Variants in GSDMC observed in about 807,000 individuals in gnomAD.
GSDMC encodes gasdermin C, also known as gasdermin-C.
In GSDMC, 59 loss-of-function variants were observed where a neutral mutation model predicts 58.0. That is an observed-to-expected ratio of 1.02 (90% confidence interval 0.82 to 1.26). GSDMC has a LOEUF of 1.26. Among genes scored for constraint, GSDMC ranks in the 50% most tolerant of loss-of-function variants. The probability of loss-of-function intolerance (pLI) is 0.00; values close to 1 mark genes in which losing one functional copy is unlikely to be tolerated. For synonymous variants in GSDMC, 241 were observed against 220.2 expected, an observed-to-expected ratio of 1.09 and a Z score of -0.83; for missense variants, 659 against 598.5, an observed-to-expected ratio of 1.10 and a Z score of -1.06.
chr8:129,723,558 G>A, the GSDMC span, among the ~76,000 whole-genome samples: 12 of 151,804 alleles, frequency 7.9e-5, no homozygotes, highest in South Asian at 2.1e-4. Flanking sequence ...GAGCCACCGC[G>A]CCTGGCCGCA....
At chr8:129,757,018 C>CA (rs904913677) in intron 6 of GSDMC, among the ~76,000 whole-genome samples, 5 of 151,504 alleles carry the variant, frequency 3.3e-5, no homozygotes, top group African/African-American at 1.2e-4. Context: ...AAGATCAAAC[C>CA]AAACCCACAA....
the GSDMC span, among the ~76,000 whole-genome samples, chr8:129,722,585 G>A: frequency 6.6e-6 from 1 of 152,086 alleles, no homozygotes; most frequent in African/African-American, 2.4e-5. Flanking sequence ...CATATGTCAT[G>A]AGCCCCACTA....
the GSDMC span, among the ~76,000 whole-genome samples, chr8:129,742,182 A>G: frequency 6.6e-6 from 1 of 152,060 alleles, no homozygotes; most frequent in African/African-American, 2.4e-5. Flanking sequence ...CAAAGAGTAC[A>G]AAGTTTCAAT....
the GSDMC span, among the ~76,000 whole-genome samples, chr8:129,708,976 A>G: frequency 1.3e-5 from 2 of 152,336 alleles, no homozygotes; most frequent in East Asian, 3.9e-4. Flanking sequence ...CCTTCCTCAA[A>G]GAGATGTGGA....
the GSDMC span, among the ~76,000 whole-genome samples, chr8:129,711,582 A>G: frequency 6.6e-6 from 1 of 152,210 alleles, no homozygotes; most frequent in African/African-American, 2.4e-5. Context: ...AAGAATTGCC[A>G]TCTAAGAGGT....
chr8:129,747,911 A>T (rs1013420074), downstream of GSDMC, among the ~76,000 whole-genome samples: 22 of 152,090 alleles, frequency 1.4e-4, no homozygotes, highest in African/African-American at 5.3e-4. Context: ...GACCAAGAAA[A>T]TGTGACAAAA....
At chr8:129,745,562 T>C (rs906835227), downstream of GSDMC, among the ~76,000 whole-genome samples, 1 of 152,188 alleles carries the variant, frequency 6.6e-6, no homozygotes, top group Non-Finnish European at 1.5e-5. Context: ...ATGACACTTG[T>C]TACTTTCTAA....
intron 1 of GSDMC, among the ~76,000 whole-genome samples, chr8:129,783,707 T>A (rs545436747): frequency 1.3e-4 from 20 of 152,100 alleles, no homozygotes; most frequent in Non-Finnish European, 1.9e-4. Context: ...TATCAAAATA[T>A]CAATGACATT....
intron 3 of GSDMC, among the ~76,000 whole-genome samples, chr8:129,772,497 T>G (rs1253070253): frequency 1.3e-5 from 2 of 152,086 alleles, no homozygotes; most frequent in Non-Finnish European, 2.9e-5. Context: ...TATCTGTAAT[T>G]AAATACCGAC....
the GSDMC span, among the ~76,000 whole-genome samples, chr8:129,712,880 G>A: frequency 6.6e-6 from 1 of 152,210 alleles, no homozygotes; most frequent in African/African-American, 2.4e-5. Context: ...ACATAGACGA[G>A]GCTGAGAGGT....
At chr8:129,741,252 T>A in the GSDMC span, among the ~76,000 whole-genome samples, 2 of 152,160 alleles carry the variant, frequency 1.3e-5, no homozygotes, top group African/African-American at 4.8e-5. Flanking sequence ...AATATCTTTA[T>A]AATATATTTT....
At chr8:129,774,238 A>T (rs1586612428) in intron 3 of GSDMC, among the ~76,000 whole-genome samples, 1 of 152,184 alleles carries the variant, frequency 6.6e-6, no homozygotes, top group East Asian at 1.9e-4. Flanking sequence ...GGGCCAAGAA[A>T]TAAACTCATA....
the GSDMC span, among the ~76,000 whole-genome samples, chr8:129,743,049 T>C: frequency 3.3e-4 from 51 of 152,328 alleles, no homozygotes; most frequent in Middle Eastern, 3.4e-3. Context: ...CCCTTTATCA[T>C]TGGTTTTCAG....
the GSDMC span, among the ~76,000 whole-genome samples, chr8:129,740,404 G>A: frequency 1.3e-3 from 198 of 152,166 alleles, 2 homozygotes; most frequent in Middle Eastern, 6.8e-3. Context: ...TGCAAGTTCC[G>A]TTCATGGTAA....
At chr8:129,719,440 T>G in the GSDMC span, among the ~76,000 whole-genome samples, 1 of 152,188 alleles carries the variant, frequency 6.6e-6, no homozygotes, top group Non-Finnish European at 1.5e-5. Flanking sequence ...GATTTCAATA[T>G]CACTAACTCA....
At chr8:129,750,176 A>G in intron 11 of GSDMC, 57 bp from the exon 12 acceptor site, 1 of 1,352,798 alleles carries the variant, frequency 7.4e-7, no homozygotes, top group Non-Finnish European at 1.0e-6. Flanking sequence ...ATGTTATATA[A>G]TTTGCCTGTG....
At chr8:129,743,859 A>G (rs988596559), downstream of GSDMC, among the ~76,000 whole-genome samples, 15 of 152,212 alleles carry the variant, frequency 9.9e-5, no homozygotes, top group South Asian at 2.1e-3. Flanking sequence ...TGAGTGTTCA[A>G]TGAGTTCTGT....
At chr8:129,730,519 C>A in the GSDMC span, 2 of 487,370 alleles carry the variant, frequency 4.1e-6, no homozygotes, top group East Asian at 4.9e-5. Context: ...TGTAAAAATA[C>A]CATTATTCTC....
intron 6 of GSDMC, among the ~76,000 whole-genome samples, chr8:129,759,826 A>T (rs888335361): frequency 6.6e-6 from 1 of 152,200 alleles, no homozygotes; most frequent in East Asian, 1.9e-4. Flanking sequence ...AACGAAAACT[A>T]GAGTTACCAT....
Sources: allele counts gnomAD v4.1 joint callset (sites outside exome capture counted in the v4.1 genomes callset), GRCh38; gene constraint gnomAD v4.1.1; transcripts MANE v1.5; gene names NCBI Gene and HGNC (gene_info 2026-07-23, HGNC 2026-07-21).